The following FOCAD variants were observed in gnomAD, a reference collection of about 807,000 sequenced individuals.
FOCAD encodes the protein focadhesin.
A neutral mutation model predicts 225.6 loss-of-function variants in FOCAD; 198 were observed. That is an observed-to-expected ratio of 0.88 (90% CI 0.78 to 0.99). The LOEUF is 0.99. Among genes scored for constraint, FOCAD ranks in the 50% least tolerant of loss-of-function variants. FOCAD has a pLI of 0.00. For missense variants in FOCAD, 2,713 were observed against 2,123.6 expected (o/e 1.28, Z -5.46); for synonymous variants, 897 against 755.0 (o/e 1.19, Z -3.08).
chr9:20,829,725 A>T (rs547318664), intron 15 of FOCAD, among the ~76,000 whole-genome samples: 1 of 152,256 alleles, frequency 6.6e-6, no homozygotes, highest in Admixed American at 6.5e-5. Context: ...CATAGGAGAG[A>T]TCAGATGAAC....
Position 20,912,974 on chromosome 9 carries a change from T to C in FOCAD, c.2807+20T>C. 1.3e-6 allele frequency: 2 copies of C among 1,595,204 alleles called. No homozygotes were observed. Among genetic ancestry groups the C allele is most frequent in the East Asian group, 2.2e-5 (1 of 44,718 alleles). On this transcript the variant is annotated intron_variant, in intron 23 of 43. Transcript: ENST00000338382. ...GCTCTGGTAAGTGTTCATGTTCAGC[T>C]GCCCATTATTTGTCATGGGAAGTGA...
chr9:20,780,160 C>A (rs1177648522), intron 9 of FOCAD, among the ~76,000 whole-genome samples: 1 of 152,208 alleles, frequency 6.6e-6, no homozygotes, highest in Admixed American at 6.5e-5. Flanking sequence ...ACCAGCACCA[C>A]TGTCTATCAT....
chr9:20,778,519 C>A (rs569321912), intron 8 of FOCAD, among the ~76,000 whole-genome samples, 162 bp from the exon 9 acceptor site: 1 of 152,268 alleles, frequency 6.6e-6, no homozygotes, highest in East Asian at 1.9e-4. Flanking sequence ...CACGCCCGGC[C>A]GACCAATTCT....
intron 2 of FOCAD, among the ~76,000 whole-genome samples, chr9:20,661,346 T>G (rs1172101141): frequency 1.3e-5 from 2 of 152,190 alleles, no homozygotes; most frequent in Non-Finnish European, 1.5e-5. Context: ...TGTGCTGAGT[T>G]CTGTAGGAGG....
At position 20,995,616 on chromosome 9, in the gene FOCAD, C is replaced by CAT. The variant is rs757182922; in HGVS notation, c.5396_5397dup (p.Gly1800MetfsTer37). 144 of 1,612,654 alleles carry CAT rather than the reference C, an allele frequency of 8.9e-5. 2 individuals are homozygous for CAT. The South Asian group carries it at 1.3e-3, about 14-fold the overall frequency. On this transcript the variant is annotated frameshift_variant, in exon 44 of 44. Coordinates refer to ENST00000338382, the MANE Select transcript of FOCAD (RefSeq NM_001375567.1). LOFTEE classifies it high-confidence loss of function. ...AAGAAGAAAGCTGTATGGACCAGAG[C>CAT]ATATGGTTGGTGAACAGTTTTGCAG...
At chr9:20,787,348 A>G (rs1290655988) in intron 10 of FOCAD, among the ~76,000 whole-genome samples, 3 of 152,220 alleles carry the variant, frequency 2.0e-5, no homozygotes, top group African/African-American at 7.2e-5. Context: ...TATAGATATT[A>G]TAACCTAAGC....
intron 3 of FOCAD, 22 bp downstream of exon 3, chr9:20,717,890 T>A (rs1323596067): frequency 5.7e-6 from 9 of 1,586,262 alleles, no homozygotes; most frequent in Non-Finnish European, 6.9e-6. Context: ...ACTTTATGCT[T>A]TAATTCTCTT....
chr9:20,769,929 A>T, intron 7 of FOCAD, 103 bp from the exon 8 acceptor site: 1 of 1,005,808 alleles, frequency 9.9e-7, no homozygotes. Context: ...AAGTCTTTAT[A>T]GGTTTAGAGA....
chr9:20,763,065 T>C (rs1375552186), intron 6 of FOCAD, among the ~76,000 whole-genome samples: 1 of 152,242 alleles, frequency 6.6e-6, no homozygotes, highest in Non-Finnish European at 1.5e-5. Flanking sequence ...ATAATTCTTA[T>C]TTCATCTTTG....
At chr9:20,918,691 T>C (rs1834087906) in intron 24 of FOCAD, among the ~76,000 whole-genome samples, 1 of 148,768 alleles carries the variant, frequency 6.7e-6, no homozygotes, top group Non-Finnish European at 1.5e-5. Flanking sequence ...GCCACTGCAC[T>C]CCAGCCTGGG....
rs750766809 is a variant in FOCAD at position 20,820,316 on chromosome 9, T to A, written c.1561-8T>A. On this transcript the variant is annotated splice_polypyrimidine_tract_variant and splice_region_variant and intron_variant, in intron 12 of 43. Transcript: ENST00000338382. ...TTATGCAACTAGAGTTTCTTCAATA[T>A]TTTCTAGGTGTGTATAGGACAAATT... is the stretch of plus-strand genomic sequence containing the variant. The A allele has an allele frequency of 6.3e-7, 1 of 1,595,292 alleles. No homozygotes were observed. Among genetic ancestry groups the A allele is most frequent in the Non-Finnish European group, 8.5e-7 (1 of 1,170,528 alleles).
At chr9:20,676,772 C>A (rs79129978) in intron 2 of FOCAD, among the ~76,000 whole-genome samples, 20,676 of 152,166 alleles carry the variant, frequency 0.14, 1,694 homozygotes, top group Non-Finnish European at 0.19. Flanking sequence ...AAGACATCCT[C>A]TGTTCATGGA....
chr9:20,678,948 G>C (rs1166261170), intron 2 of FOCAD, among the ~76,000 whole-genome samples: 1 of 152,144 alleles, frequency 6.6e-6, no homozygotes, highest in Non-Finnish European at 1.5e-5. Flanking sequence ...GACTGATAGA[G>C]TAGGCCTTAT....
At chr9:20,802,506 T>A (rs1821957192) in intron 11 of FOCAD, among the ~76,000 whole-genome samples, 1 of 152,152 alleles carries the variant, frequency 6.6e-6, no homozygotes, top group Non-Finnish European at 1.5e-5. Context: ...ATGTCTTACT[T>A]GTTTTTACCT....
At chr9:20,927,714 G>A (rs959132828) in intron 26 of FOCAD, 2 of 151,966 alleles carry the variant, frequency 1.3e-5, no homozygotes, top group Non-Finnish European at 2.9e-5. Flanking sequence ...CATTGCCTAG[G>A]GAATTATAAT....
chr9:20,698,562 G>T (rs540409742), intron 1 of FOCAD, among the ~76,000 whole-genome samples: 1 of 152,092 alleles, frequency 6.6e-6, no homozygotes, highest in South Asian at 2.1e-4. Flanking sequence ...CACTGTGCCT[G>T]GCTAATTTTT....
At chr9:20,836,255 A>G (rs1825984389) in intron 15 of FOCAD, among the ~76,000 whole-genome samples, 1 of 152,102 alleles carries the variant, frequency 6.6e-6, no homozygotes, top group African/African-American at 2.4e-5. Context: ...ATATAATTTA[A>G]TATGGAAATG....
chr9:20,754,279 T>C (rs1271696764), intron 5 of FOCAD, among the ~76,000 whole-genome samples: 1 of 152,206 alleles, frequency 6.6e-6, no homozygotes, highest in African/African-American at 2.4e-5. Context: ...TTTAAATGCT[T>C]TAATTATAAT....
At chr9:20,945,922 G>A (rs1837129665) in intron 29 of FOCAD, among the ~76,000 whole-genome samples, 1 of 152,118 alleles carries the variant, frequency 6.6e-6, no homozygotes, top group Non-Finnish European at 1.5e-5. Context: ...AAAAAAGGAG[G>A]TAGCAGAGAG....
Sources: allele counts gnomAD v4.1 joint callset (sites outside exome capture counted in the v4.1 genomes callset), GRCh38; gene constraint gnomAD v4.1.1; transcripts MANE v1.5; gene names NCBI Gene and HGNC (gene_info 2026-07-23, HGNC 2026-07-21).